GOLGA8S: variants seen among roughly 807,000 people sequenced by gnomAD.
GOLGA8S encodes golgin A8 family member S.
Under a neutral mutation model 58.9 loss-of-function variants are expected in GOLGA8S, and 23 were observed. That is an observed-to-expected ratio of 0.39 (90% confidence interval 0.28 to 0.55). The LOEUF (loss-of-function observed/expected upper bound fraction) is 0.55, where lower values mean the gene tolerates loss of function less well. Ranked by LOEUF, GOLGA8S falls within the 20% of genes least tolerant of loss-of-function variation. The pLI is 0.63. For synonymous variants in GOLGA8S, 84 were observed against 195.7 expected (o/e 0.43, Z 4.76); for missense variants, 266 against 514.2 (o/e 0.52, Z 4.67).
chr15:23,361,071 G>T lies in GOLGA8S; in HGVS notation c.875-150G>T, dbSNP rs2069782276. ...AGACTGGCTACCATCTGGGTGCGAGGAATCATTAGCAGTGAGGCCAAGTTT... is the reference window on the plus strand; with the variant it reads ...AGACTGGCTACCATCTGGGTGCGAGTAATCATTAGCAGTGAGGCCAAGTTT... On this transcript the variant is annotated intron_variant, in intron 11 of 18. Coordinates refer to ENST00000562295, the Ensembl canonical transcript of GOLGA8S. 4 of 827,400 alleles carry T rather than the reference G, an allele frequency of 4.8e-6. No homozygotes were observed. The South Asian group carries it at 5.3e-5, about 11-fold the overall frequency. The allele number at this position is 827,400 out of a possible 1,614,324, so 51.3% of individuals were successfully genotyped here.
At chr15:23,367,697 T>G (rs2069943976), downstream of GOLGA8S, among the ~76,000 whole-genome samples, 1 of 151,862 alleles carries the variant, frequency 6.6e-6, no homozygotes, top group Non-Finnish European at 1.5e-5. Context: ...CGAGTATTTG[T>G]GCTCTTCCTC....
downstream of GOLGA8S, chr15:23,365,632 A>C (rs1224761376): frequency 2.2e-5 from 5 of 226,120 alleles, no homozygotes; most frequent in Non-Finnish European, 4.4e-5. Context: ...TGCACTGTTT[A>C]TTACTTTGTA....
chr15:23,360,728 G>T (rs747597664), exon 11 of GOLGA8S: 2 of 1,076,848 alleles, frequency 1.9e-6, no homozygotes, highest in Non-Finnish European at 2.9e-6. Flanking sequence ...CTTTGGGCAG[G>T]TTTGCTCGTT....
At chr15:23,361,324 G>C (rs774176396) in exon 12 of GOLGA8S, 14 of 1,239,426 alleles carry the variant, frequency 1.1e-5, no homozygotes, top group East Asian at 4.6e-5. Flanking sequence ...AGGCCCAGGT[G>C]GAGTACAATC....
intron 4 of GOLGA8S, among the ~76,000 whole-genome samples, chr15:23,358,127 C>G (rs1027108802): frequency 3.3e-5 from 5 of 151,952 alleles, no homozygotes; most frequent in Non-Finnish European, 7.4e-5. Flanking sequence ...CCGTACTTGG[C>G]CCATACGTGC....
At chr15:23,363,519 C>G in intron 14 of GOLGA8S, 159 bp from the exon 15 acceptor site, 2 of 392,250 alleles carry the variant, frequency 5.1e-6, no homozygotes, top group Non-Finnish European at 4.3e-6. Flanking sequence ...ATAGCAAGAT[C>G]TTGGTTCTTC....
At chr15:23,363,825 G>T (rs527985235) in intron 15 of GOLGA8S, 56 bp downstream of exon 15, 17,511 of 524,820 alleles carry the variant, frequency 0.033, 2,705 homozygotes, top group Non-Finnish European at 0.04. Context: ...GTCCCTCCAA[G>T]ACCCCTTTAT....
downstream of GOLGA8S, chr15:23,365,177 A>G (rs759923918): frequency 5.1e-5 from 80 of 1,573,642 alleles, 6 homozygotes; most frequent in Admixed American, 1.3e-3. Context: ...TTTTTAAATA[A>G]GAAACCAAGT....
chr15:23,364,043 G>A (rs997162711), intron 15 of GOLGA8S, among the ~76,000 whole-genome samples: 5 of 136,820 alleles, frequency 3.7e-5, no homozygotes, highest in African/African-American at 1.3e-4. Context: ...TTTCAAGTCC[G>A]CTGGAGCTAG....
At chr15:23,359,918 T>C (rs2019542) in intron 8 of GOLGA8S, among the ~76,000 whole-genome samples, 238 of 146,898 alleles carry the variant, frequency 1.6e-3, no homozygotes, top group African/African-American at 4.8e-3. Flanking sequence ...ATGGTGGTTG[T>C]GAGGATTAAA....
At chr15:23,360,113 T>G in intron 8 of GOLGA8S, 116 bp from the exon 9 acceptor site, 1 of 667,366 alleles carries the variant, frequency 1.5e-6, no homozygotes, top group South Asian at 1.6e-5. Flanking sequence ...ACCACGGGCT[T>G]GGAAATGCCT....
At chr15:23,364,289 T>C in intron 15 of GOLGA8S, 54 bp from the exon 16 acceptor site, 1 of 1,593,174 alleles carries the variant, frequency 6.3e-7, no homozygotes, top group Admixed American at 1.7e-5. Flanking sequence ...GACTTGAAAA[T>C]GCCACCTGAG....
exon 11 of GOLGA8S, chr15:23,360,756 A>G: frequency 8.1e-7 from 1 of 1,228,536 alleles, no homozygotes. Context: ...GAGAAGAAGC[A>G]TGATAAATAT....
chr15:23,356,388 G>C (rs2069689121), intron 1 of GOLGA8S, among the ~76,000 whole-genome samples: 1 of 128,830 alleles, frequency 7.8e-6, no homozygotes, highest in Admixed American at 8.6e-5. Context: ...AAGTTCATCT[G>C]TCGCCTTTTT....
chr15:23,360,053 C>T (rs553334989), intron 8 of GOLGA8S, among the ~76,000 whole-genome samples, 176 bp from the exon 9 acceptor site: 6 of 148,562 alleles, frequency 4.0e-5, no homozygotes, highest in Admixed American at 2.0e-4. Flanking sequence ...GCTATAAATT[C>T]GATCTCTTTC....
At chr15:23,364,160 C>T (rs1015976942) in intron 15 of GOLGA8S, among the ~76,000 whole-genome samples, 183 bp from the exon 16 acceptor site, 1 of 124,170 alleles carries the variant, frequency 8.1e-6, no homozygotes, top group Non-Finnish European at 1.8e-5. Flanking sequence ...CCAGAGGCAG[C>T]CAGAGGCCCT....
rs544880044 is a variant in GOLGA8S at position 23,363,622 on chromosome 15, A to C, written c.1256-56A>C. ...GGGTGGAGGTAGAGGTGGGCCCACA[A>C]TACTTCCCTTGTTGAGTTGTCTGAG... On this transcript the variant is annotated intron_variant, in intron 14 of 18. Coordinates refer to ENST00000562295, the Ensembl canonical transcript of GOLGA8S. The C allele has an allele frequency of 1.5e-5, 5 of 342,360 alleles. 2 individuals are homozygous for C. The East Asian group carries it at 3.4e-4, about 23-fold the overall frequency. The allele number at this position is 342,360 out of a possible 1,614,324, so 21.2% of individuals were successfully genotyped here. A position where few individuals can be genotyped will look rare whatever the true frequency, so the allele number is the denominator to read the frequency against.
downstream of GOLGA8S, chr15:23,366,445 G>A (rs1225649475): frequency 1.4e-4 from 21 of 151,068 alleles, no homozygotes; most frequent in Admixed American, 2.6e-4. Context: ...TGAAACAAAA[G>A]GGAGTTTTAG....
At chr15:23,356,370 G>C (rs2069688893) in intron 1 of GOLGA8S, among the ~76,000 whole-genome samples, 1 of 134,192 alleles carries the variant, frequency 7.5e-6, no homozygotes, top group African/African-American at 2.5e-5. Flanking sequence ...TCAGAAGACT[G>C]AGTTTCAAAG....
Sources: gnomAD v4.1 joint callset for allele counts (sites outside exome capture counted in the v4.1 genomes callset) on GRCh38, gnomAD v4.1.1 for gene constraint, MANE v1.5 for transcripts, NCBI Gene and HGNC (gene_info 2026-07-23, HGNC 2026-07-21) for gene names.